The following MAST4 variants were observed in gnomAD, a reference collection of about 807,000 sequenced individuals.
MAST4 encodes the protein microtubule associated serine/threonine kinase family member 4, also known as microtubule-associated serine/threonine-protein kinase 4.
MAST4 carries 89 observed loss-of-function variants against 162.7 expected under a neutral mutation model. The observed-to-expected ratio is 0.55, with a 90% CI of 0.46 to 0.65. MAST4 has a LOEUF of 0.65. Ranked by LOEUF, MAST4 falls within the 30% of genes least tolerant of loss-of-function variation. The pLI is 0.00. For synonymous variants in MAST4, 1,479 were observed against 1,361.1 expected (o/e 1.09, Z -1.91); for missense variants, 3,153 against 3,374.0 (o/e 0.93, Z 1.62).
At chr5:66,916,976 C>A in intron 4 of MAST4, 1 of 717,816 alleles carries the variant, frequency 1.4e-6, no homozygotes, top group Non-Finnish European at 2.6e-6. Flanking sequence ...CCTTTTTTCT[C>A]CTATAGGATA....
At chr5:66,800,337 A>T (rs904771739) in intron 3 of MAST4, among the ~76,000 whole-genome samples, 1 of 152,234 alleles carries the variant, frequency 6.6e-6, no homozygotes, top group African/African-American at 2.4e-5. Context: ...GTGGGTGCAG[A>T]TACATCATGG....
chr5:66,951,938 G>A (rs1007621315), intron 4 of MAST4, among the ~76,000 whole-genome samples: 6 of 152,178 alleles, frequency 3.9e-5, no homozygotes, highest in Middle Eastern at 3.4e-3. Flanking sequence ...CTGCATGGAG[G>A]CAGTTTTTGG....
chr5:67,083,306 A>G (rs1275833437), intron 5 of MAST4, among the ~76,000 whole-genome samples: 1 of 152,208 alleles, frequency 6.6e-6, no homozygotes, highest in Non-Finnish European at 1.5e-5. Flanking sequence ...TCCAGATGGA[A>G]TTCATGTCTA....
rs1372693059 is a variant in MAST4 at position 66,985,841 on chromosome 5, C to T, written c.675-68563C>T. 2.0e-5 allele frequency among the ~76,000 whole-genome samples: 3 copies of T among 152,266 alleles called. No homozygotes were observed. In the East Asian group the frequency reaches 5.8e-4, roughly 29 times the overall value. ...AATGTATTTAGCATAGTAGTGAAAA[C>T]TCCAGCAGGTGGTATAGCAACAAGG... On this transcript the variant is annotated intron_variant, in intron 4 of 28. Coordinates refer to ENST00000403625, the MANE Select transcript of MAST4 (RefSeq NM_001164664.2).
At position 66,903,342 on chromosome 5, in the gene MAST4, T is replaced by A. The variant is rs145091148; in HGVS notation, c.674+3360T>A. On this transcript the variant is annotated intron_variant, in intron 4 of 28. Transcript: ENST00000403625. ...TATTTTATGTAAAATACTCAGTGAT[T>A]GTTTTGAAGTAGGATTCAAATTGCT... Among the ~76,000 whole-genome samples, 279 of 152,192 alleles carry A rather than the reference T, an allele frequency of 1.8e-3. 5 individuals carry two copies. The highest frequency in any genetic ancestry group is 0.018 in the Admixed American group (272 of 15,278).
chr5:66,891,581 T>G (rs546824724), intron 3 of MAST4, among the ~76,000 whole-genome samples: 1 of 152,326 alleles, frequency 6.6e-6, no homozygotes, highest in African/African-American at 2.4e-5. Flanking sequence ...GATGTGGCCC[T>G]GTCCCTGCCT....
intron 3 of MAST4, among the ~76,000 whole-genome samples, chr5:66,860,092 G>T (rs936218069): frequency 6.6e-6 from 1 of 152,198 alleles, no homozygotes; most frequent in South Asian, 2.1e-4. Flanking sequence ...GTAGTGAGGA[G>T]CACAGACCCT....
chr5:66,918,823 G>A (rs984224251), intron 4 of MAST4, among the ~76,000 whole-genome samples: 1 of 152,044 alleles, frequency 6.6e-6, no homozygotes, highest in South Asian at 2.1e-4. Context: ...ATATATTATT[G>A]AATGATATAT....
intron 3 of MAST4, among the ~76,000 whole-genome samples, chr5:66,794,932 A>G (rs1156445098): frequency 1.3e-5 from 2 of 152,246 alleles, no homozygotes; most frequent in South Asian, 2.1e-4. Context: ...GAAATGCATT[A>G]TAAGAAGTCA....
At position 66,795,745 on chromosome 5, in the gene MAST4, A is replaced by G. The variant is rs537521210; in HGVS notation, c.642+6951A>G. Among the ~76,000 whole-genome samples, 27 of 152,302 alleles carry G rather than the reference A, an allele frequency of 1.8e-4. No individual in the cohort carries two copies. The South Asian group carries it at 4.8e-3, about 27-fold the overall frequency. On this transcript the variant is annotated intron_variant, in intron 3 of 28. Transcript: ENST00000403625. ...CTTTATTCCCTAAATCAGCTTACCA[A>G]ACCAACTGTTGGTAACCTGTATTGC...
intron 5 of MAST4, among the ~76,000 whole-genome samples, chr5:67,066,509 A>C (rs908591064): frequency 6.6e-6 from 1 of 151,750 alleles, no homozygotes; most frequent in African/African-American, 2.4e-5. Context: ...TTCTTTTAGC[A>C]TTATGTTTTG....
At chr5:66,696,117 T>G (rs1320709614) in intron 1 of MAST4, among the ~76,000 whole-genome samples, 1 of 151,988 alleles carries the variant, frequency 6.6e-6, no homozygotes, top group Non-Finnish European at 1.5e-5. Context: ...AACCAAACAC[T>G]GCATGTTCTC....
At chr5:66,875,084 C>T (rs1437387466) in intron 3 of MAST4, among the ~76,000 whole-genome samples, 1 of 152,060 alleles carries the variant, frequency 6.6e-6, no homozygotes, top group African/African-American at 2.4e-5. Context: ...CATTTTTGAG[C>T]CTTATTATGC....
intron 2 of MAST4, among the ~76,000 whole-genome samples, chr5:66,765,819 G>T (rs1006848518): frequency 6.6e-6 from 1 of 152,102 alleles, no homozygotes; most frequent in Non-Finnish European, 1.5e-5. Flanking sequence ...GAATCACTAA[G>T]GGCATTAGAT....
intron 1 of MAST4, among the ~76,000 whole-genome samples, chr5:66,636,663 T>C (rs892020973): frequency 3.3e-5 from 5 of 152,166 alleles, no homozygotes; most frequent in Admixed American, 1.3e-4. Context: ...GACATCGAGA[T>C]TGTAGTTAGC....
intron 1 of MAST4, among the ~76,000 whole-genome samples, chr5:66,680,877 C>T (rs925307039): frequency 2.0e-5 from 3 of 152,296 alleles, no homozygotes; most frequent in African/African-American, 4.8e-5. Flanking sequence ...CTGGAGCAAG[C>T]GCACCCGAAG....
intron 1 of MAST4, among the ~76,000 whole-genome samples, chr5:66,641,330 T>G (rs1248625307): frequency 6.6e-6 from 1 of 152,102 alleles, no homozygotes; most frequent in Non-Finnish European, 1.5e-5. Flanking sequence ...TTTTTGTATT[T>G]TATTTTTAGT....
chr5:66,868,094 C>T (rs1012326093), intron 3 of MAST4, among the ~76,000 whole-genome samples: 6 of 152,184 alleles, frequency 3.9e-5, no homozygotes, highest in Admixed American at 1.3e-4. Flanking sequence ...TGTGATACCA[C>T]TTATGAGAGC....
chr5:66,623,146 C>T (rs1456430957), intron 1 of MAST4: 1 of 152,120 alleles, frequency 6.6e-6, no homozygotes, highest in African/African-American at 2.4e-5. Flanking sequence ...CCAGGGAAGC[C>T]CTCAAACACA....
Sources: allele counts gnomAD v4.1 joint callset (sites outside exome capture counted in the v4.1 genomes callset), GRCh38; gene constraint gnomAD v4.1.1; transcripts MANE v1.5; gene names NCBI Gene and HGNC (gene_info 2026-07-23, HGNC 2026-07-21).